MGAT5B: variants seen among roughly 807,000 people sequenced by gnomAD.
MGAT5B encodes alpha-1,6-mannosylglycoprotein 6-beta-N-acetylglucosaminyltransferase B.
A neutral mutation model predicts 95.1 loss-of-function variants in MGAT5B; 54 were observed. That is an observed-to-expected ratio of 0.57 (90% CI 0.46 to 0.71). The LOEUF (loss-of-function observed/expected upper bound fraction) is 0.71. Ranked by LOEUF, MGAT5B falls within the 30% of genes least tolerant of loss-of-function variation. MGAT5B has a pLI of 0.00. For synonymous variants in MGAT5B, 464 were observed against 451.0 expected, an observed-to-expected ratio of 1.03 and a Z score of -0.36; for missense variants, 935 against 1,088.6, an observed-to-expected ratio of 0.86 and a Z score of 1.99.
At chr17:76,921,426 G>A (rs1248095978) in intron 8 of MGAT5B, among the ~76,000 whole-genome samples, 1 of 152,198 alleles carries the variant, frequency 6.6e-6, no homozygotes, top group Non-Finnish European at 1.5e-5. Context: ...GTGTGCATGG[G>A]GGAAGCGATT....
Position 76,889,183 on chromosome 17 carries a change from C to T in MGAT5B, c.329+6885C>T, listed in dbSNP as rs1410046931. On this transcript the variant is annotated intron_variant, in intron 3 of 17. Transcript: ENST00000569840. The surrounding 1 kb of genome is among the most constrained non-coding windows in gnomAD (Gnocchi z 4.4). ...GCAGTGAGAAGATGCAGGGCTGGCG[C>T]AGGGGCAGTGTCAGCCCTGGGAGCT... 6.6e-6 allele frequency among the ~76,000 whole-genome samples: 1 copy of T among 152,100 alleles called. No homozygotes were observed. The highest frequency in any genetic ancestry group is 1.5e-5 in the Non-Finnish European group (1 of 68,024).
At chr17:76,890,418 T>C (rs1207273363) in intron 3 of MGAT5B, among the ~76,000 whole-genome samples, 1 of 152,238 alleles carries the variant, frequency 6.6e-6, no homozygotes, top group Non-Finnish European at 1.5e-5. Context: ...AGTATAGGTA[T>C]ACCTGTAACT....
intron 15 of MGAT5B, among the ~76,000 whole-genome samples, chr17:76,941,269 G>A (rs558032414): frequency 3.1e-4 from 47 of 152,384 alleles, no homozygotes; most frequent in African/African-American, 1.1e-3. Flanking sequence ...CATACAGAGC[G>A]TCTGTTAATG....
intron 12 of MGAT5B, 116 bp from the exon 13 acceptor site, chr17:76,937,872 G>T: frequency 7.6e-7 from 1 of 1,311,228 alleles, no homozygotes. Flanking sequence ...GCCAGTTAAT[G>T]GCCAACCTGA....
At chr17:76,935,852 C>T (rs1291510303) in intron 12 of MGAT5B, among the ~76,000 whole-genome samples, 5 of 17,804 alleles carry the variant, frequency 2.8e-4, no homozygotes, top group African/African-American at 7.9e-4. Context: ...ATTATATATA[C>T]TATATATATT....
At position 76,870,376 on chromosome 17, in the gene MGAT5B, G is replaced by A. The variant is rs899704813; in HGVS notation, c.68+1279G>A. Reference sequence around the variant, plus strand: ...GTGATGGGGGCGTCGGGAGCCCATGGGAAGCAGGGCGGGAAGCAGGCGTCT... The same window carrying A: ...GTGATGGGGGCGTCGGGAGCCCATGAGAAGCAGGGCGGGAAGCAGGCGTCT... On this transcript the variant is annotated intron_variant, in intron 1 of 17. Transcript: ENST00000569840. This position sits in a 1 kb window ranked among gnomAD's most constrained non-coding sequence, Gnocchi z 5.0. Among the ~76,000 whole-genome samples, 3 of 152,168 alleles carry A rather than the reference G, an allele frequency of 2.0e-5. No homozygotes were observed. Among genetic ancestry groups the A allele is most frequent in the Admixed American group, 2.0e-4 (3 of 15,290 alleles).
chr17:76,878,775 T>C (rs1967293710), intron 2 of MGAT5B, among the ~76,000 whole-genome samples: 1 of 152,248 alleles, frequency 6.6e-6, no homozygotes, highest in Admixed American at 6.5e-5. Flanking sequence ...GCACCTGGCC[T>C]GCTGCCAGTT....
intron 15 of MGAT5B, among the ~76,000 whole-genome samples, chr17:76,942,759 T>G (rs1429527376): frequency 6.6e-6 from 1 of 152,136 alleles, no homozygotes; most frequent in Non-Finnish European, 1.5e-5. Context: ...ACGGGGAAGC[T>G]GGCAACAAGG....
Position 76,946,470 on chromosome 17 carries a change from C to G in MGAT5B, c.1923+20C>G. The G allele has an allele frequency of 6.4e-7, 1 of 1,565,914 alleles. No homozygotes were observed. Among genetic ancestry groups the G allele is most frequent in the Non-Finnish European group, 8.7e-7 (1 of 1,154,552 alleles). ...CACCAGGTCAGTGAGCCCTCTGGTC[C>G]CTGCCCCAGATCCTGTCAGACCAGA... On this transcript the variant is annotated intron_variant, in intron 16 of 17. Transcript: ENST00000569840.
Position 76,905,334 on chromosome 17 carries a change from G to A in MGAT5B, c.855+1G>A. On this transcript the variant is annotated splice_donor_variant, in intron 7 of 17. Coordinates refer to ENST00000569840, the MANE Select transcript of MGAT5B (RefSeq NM_001199172.2). LOFTEE classifies it high-confidence loss of function. The surrounding 1 kb of genome is among the most constrained non-coding windows in gnomAD (Gnocchi z 4.2). ...GGCCACCCAGAGGGACCAGAAGCAG[G>A]TGCGTGGCCCCTGCCCCCTCATGTG... 1 of 1,582,364 alleles carries A rather than the reference G, an allele frequency of 6.3e-7. No individual in the cohort carries two copies. Among genetic ancestry groups the A allele is most frequent in the Non-Finnish European group, 8.6e-7 (1 of 1,159,332 alleles).
chr17:76,930,089 G>A lies in MGAT5B; in HGVS notation c.1292-2556G>A, dbSNP rs575954642. ...GCCTGGCATGGACAGAGCCTCCTGAGATGGGAGAGCTGTCCTGACCCTGAC... is the reference window on the plus strand; with the variant it reads ...GCCTGGCATGGACAGAGCCTCCTGAAATGGGAGAGCTGTCCTGACCCTGAC... On this transcript the variant is annotated intron_variant, in intron 10 of 17. Coordinates refer to ENST00000569840, the MANE Select transcript of MGAT5B (RefSeq NM_001199172.2). This position sits in a 1 kb window ranked among gnomAD's most constrained non-coding sequence, Gnocchi z 4.1. Among the ~76,000 whole-genome samples, 1 of 152,268 alleles carries A rather than the reference G, an allele frequency of 6.6e-6. No homozygotes were observed. Among genetic ancestry groups the A allele is most frequent in the Non-Finnish European group, 1.5e-5 (1 of 68,022 alleles).
At chr17:76,882,035 T>G in intron 2 of MGAT5B, 116 bp from the exon 3 acceptor site, 1 of 1,050,642 alleles carries the variant, frequency 9.5e-7, no homozygotes, top group Non-Finnish European at 1.3e-6. Flanking sequence ...GGGTCTGGTG[T>G]TGGTTGGTGC....
intron 1 of MGAT5B, chr17:76,872,646 G>T: frequency 6.8e-7 from 1 of 1,466,872 alleles, no homozygotes; most frequent in Non-Finnish European, 9.0e-7. Context: ...TGTGGCTCGA[G>T]GCCAGCATCT....
At chr17:76,901,411 A>G (rs1002805466) in intron 3 of MGAT5B, among the ~76,000 whole-genome samples, 27 of 151,830 alleles carry the variant, frequency 1.8e-4, no homozygotes, top group African/African-American at 6.5e-4. Flanking sequence ...TTAAAAAAAA[A>G]AAAAGGCAAG....
At chr17:76,926,308 G>C (rs1969309905) in intron 9 of MGAT5B, among the ~76,000 whole-genome samples, 1 of 152,174 alleles carries the variant, frequency 6.6e-6, no homozygotes, top group Non-Finnish European at 1.5e-5. Context: ...TGGCAGTAAT[G>C]GCTACAATTC....
intron 8 of MGAT5B, chr17:76,913,686 G>A (rs780601990): frequency 3.9e-6 from 2 of 511,462 alleles, no homozygotes; most frequent in South Asian, 1.4e-5. Flanking sequence ...AGACTGAGGA[G>A]TAGCCAAGAG....
rs1966944453 is a variant in MGAT5B at position 76,869,987 on chromosome 17, G to A, written c.68+890G>A. Among the ~76,000 whole-genome samples, 1 of 152,198 alleles carries A rather than the reference G, an allele frequency of 6.6e-6. No homozygotes were observed. Among genetic ancestry groups the A allele is most frequent in the East Asian group, 1.9e-4 (1 of 5,188 alleles). On this transcript the variant is annotated intron_variant, in intron 1 of 17. Transcript: ENST00000569840. The surrounding 1 kb of genome is among the most constrained non-coding windows in gnomAD (Gnocchi z 7.0). ...CCAGTGGACGCCCGGCGGGGCCCGAGTGTCACCCCGTGGGTAGCTGGGCAG... is the reference window on the plus strand; with the variant it reads ...CCAGTGGACGCCCGGCGGGGCCCGAATGTCACCCCGTGGGTAGCTGGGCAG...
In MGAT5B at chr17:76,918,187, C is replaced by CA. The variant is rs1456215524; in HGVS notation, c.1026-6779_1026-6778insA. ...TCAGTTTCCCTTTCGGAGGCTCCCCCCCAACAACTGCACGCCTTGTACCGC... is the reference window on the plus strand; with the variant it reads ...TCAGTTTCCCTTTCGGAGGCTCCCCCACCAACAACTGCACGCCTTGTACCGC... On this transcript the variant is annotated intron_variant, in intron 8 of 17. Transcript: ENST00000569840. This position sits in a 1 kb window ranked among gnomAD's most constrained non-coding sequence, Gnocchi z 5.1. 6.6e-6 allele frequency among the ~76,000 whole-genome samples: 1 copy of CA among 152,112 alleles called. No individual in the cohort carries two copies.
Position 76,902,642 on chromosome 17 carries a change from G to T in MGAT5B, c.417G>T (p.Leu139=). ...SDIAVKVDQI[L]RHSLLLHSKV... ...TCGCTGTGAAGGTGGACCAGATCCT[G>T]CGCCACAGTCTGCTCCTGCACAGCA... is the stretch of plus-strand genomic sequence containing the variant. Residue 139 remains leucine (L), a synonymous_variant, in exon 4 of 18, where the codon CTG becomes CTT. Coordinates refer to ENST00000569840, the MANE Select transcript of MGAT5B (RefSeq NM_001199172.2). The T allele has an allele frequency of 6.3e-7, 1 of 1,598,148 alleles. No homozygotes were observed. The highest frequency in any genetic ancestry group is 8.5e-7 in the Non-Finnish European group (1 of 1,172,030).
Sources: gnomAD v4.1 joint callset for allele counts (sites outside exome capture counted in the v4.1 genomes callset) on GRCh38, gnomAD v4.1.1 for gene constraint, Gnocchi (gnomAD v3.1) non-coding constraint, MANE v1.5 for transcripts, NCBI Gene and HGNC (gene_info 2026-07-23, HGNC 2026-07-21) for gene names.